The following ELF1 variants were observed in gnomAD, a reference collection of about 807,000 sequenced individuals.
ELF1 encodes the protein E74 like ETS transcription factor 1.
A neutral mutation model predicts 59.9 loss-of-function variants in ELF1; 24 were observed. The observed-to-expected ratio is 0.40, with a 90% CI of 0.29 to 0.56. ELF1 has a LOEUF of 0.56. Ranked by LOEUF, ELF1 falls within the 20% of genes least tolerant of loss-of-function variation. The pLI is 0.44. For synonymous variants in ELF1, 248 were observed against 266.2 expected (o/e 0.93, Z 0.67); for missense variants, 627 against 742.2 (o/e 0.84, Z 1.80).
chr13:41,006,174 T>C (rs1028547471), intron 1 of ELF1, among the ~76,000 whole-genome samples: 1 of 139,518 alleles, frequency 7.2e-6, no homozygotes, highest in African/African-American at 2.5e-5. Context: ...GATTTCATTT[T>C]TACCCAGTAT....
At chr13:41,037,129 A>T (rs1876414332) in intron 1 of ELF1, among the ~76,000 whole-genome samples, 1 of 151,796 alleles carries the variant, frequency 6.6e-6, no homozygotes, top group Admixed American at 6.6e-5. Flanking sequence ...ATTAAAAAAA[A>T]CCTTAAAAGT....
At chr13:40,985,143 C>T (rs1257829867) in intron 1 of ELF1, among the ~76,000 whole-genome samples, 1 of 152,202 alleles carries the variant, frequency 6.6e-6, no homozygotes, top group East Asian at 1.9e-4. Flanking sequence ...ATTTTACTGG[C>T]TCAATCATGT....
chr13:40,989,432 TGA>T (rs1209110566), intron 1 of ELF1, among the ~76,000 whole-genome samples: 3 of 152,240 alleles, frequency 2.0e-5, no homozygotes, highest in Admixed American at 6.5e-5. Context: ...TTAAGAAAGT[TGA>T]GAGAAAGTTT....
At chr13:41,043,132 C>G (rs1303408386) in intron 1 of ELF1, among the ~76,000 whole-genome samples, 1 of 152,134 alleles carries the variant, frequency 6.6e-6, no homozygotes, top group Non-Finnish European at 1.5e-5. Context: ...ATATCCTTCG[C>G]CCACTTTTTG....
intron 1 of ELF1, among the ~76,000 whole-genome samples, chr13:41,037,904 T>C (rs921307095): frequency 6.6e-6 from 1 of 152,112 alleles, no homozygotes; most frequent in Non-Finnish European, 1.5e-5. Context: ...CTACACAGAC[T>C]AAGAATTCAA....
intron 2 of ELF1, among the ~76,000 whole-genome samples, chr13:40,970,980 T>G (rs1872514534): frequency 6.6e-6 from 1 of 152,146 alleles, no homozygotes; most frequent in Non-Finnish European, 1.5e-5. Context: ...CTTTATCCAC[T>G]CAATCCCCAC....
At chr13:40,965,934 A>G (rs1053747979) in intron 2 of ELF1, among the ~76,000 whole-genome samples, 2 of 152,206 alleles carry the variant, frequency 1.3e-5, no homozygotes, top group African/African-American at 2.4e-5. Flanking sequence ...CCTAATATTA[A>G]AGCTCCCCAG....
intron 6 of ELF1, 100 bp from the exon 7 acceptor site, chr13:40,943,244 C>A: frequency 9.8e-7 from 1 of 1,020,200 alleles, no homozygotes; most frequent in Non-Finnish European, 1.3e-6. Context: ...TATATTTATA[C>A]AAAAATATTA....
At chr13:40,944,236 G>A (rs879315781) in intron 5 of ELF1, among the ~76,000 whole-genome samples, 1 of 152,180 alleles carries the variant, frequency 6.6e-6, no homozygotes, top group Admixed American at 6.5e-5. Context: ...TACTGGTAGT[G>A]CTTTCTTAAA....
At chr13:41,017,712 T>C (rs1267838627) in intron 1 of ELF1, among the ~76,000 whole-genome samples, 2 of 152,102 alleles carry the variant, frequency 1.3e-5, no homozygotes, top group Non-Finnish European at 2.9e-5. Flanking sequence ...CCTCTACTTC[T>C]CTTTAATAAA....
intron 1 of ELF1, among the ~76,000 whole-genome samples, chr13:41,008,958 C>CTT (rs199780763): frequency 1.3e-5 from 2 of 150,566 alleles, no homozygotes; most frequent in Non-Finnish European, 3.0e-5. Context: ...CTTTTTTGCA[C>CTT]TTTTTTTTTT....
At chr13:41,039,297 GAACA>G (rs540802699) in intron 1 of ELF1, among the ~76,000 whole-genome samples, 239 of 126,342 alleles carry the variant, frequency 1.9e-3, no homozygotes, top group Middle Eastern at 4.5e-3. Flanking sequence ...CTAAGGCTAG[GAACA>G]AACTAGGGAA....
intron 1 of ELF1, among the ~76,000 whole-genome samples, chr13:40,995,542 G>C (rs1874084896): frequency 6.6e-6 from 1 of 152,048 alleles, no homozygotes; most frequent in African/African-American, 2.4e-5. Flanking sequence ...GAACAGAATA[G>C]AGAGCACGGT....
Position 41,059,054 on chromosome 13 carries a change from T to G in ELF1, c.-229+1784A>C, listed in dbSNP as rs1205642548. On this transcript the variant is annotated intron_variant, in intron 1 of 1. Coordinates refer to the ELF1 transcript ENST00000405737. ...CAGAGTTATCCGAGTTATCTTTCCTTCTTTCCAAATTTTCAACTACTGTAA... is the reference window on the plus strand; with the variant it reads ...CAGAGTTATCCGAGTTATCTTTCCTGCTTTCCAAATTTTCAACTACTGTAA... Among the ~76,000 whole-genome samples the G allele has an allele frequency of 2.6e-5, 4 of 152,270 alleles. No homozygotes were observed. The East Asian group carries it at 7.7e-4, about 29-fold the overall frequency.
At chr13:41,032,888 A>G (rs1158223310) in intron 1 of ELF1, among the ~76,000 whole-genome samples, 1 of 151,748 alleles carries the variant, frequency 6.6e-6, no homozygotes, top group African/African-American at 2.4e-5. Flanking sequence ...AAAACTTAGT[A>G]CTATGGTTAC....
intron 1 of ELF1, among the ~76,000 whole-genome samples, chr13:40,997,886 C>G (rs1874206934): frequency 6.6e-6 from 1 of 152,090 alleles, no homozygotes; most frequent in African/African-American, 2.4e-5. Flanking sequence ...CGCAGTGGCT[C>G]ATGCACATAA....
chr13:41,040,158 T>C (rs2138419073), intron 1 of ELF1, among the ~76,000 whole-genome samples: 1 of 152,354 alleles, frequency 6.6e-6, no homozygotes, highest in Admixed American at 6.5e-5. Flanking sequence ...CCTTGGGATT[T>C]ATTCTAACAA....
chr13:40,962,042 A>G (rs1268903872), intron 2 of ELF1, among the ~76,000 whole-genome samples: 1 of 152,218 alleles, frequency 6.6e-6, no homozygotes, highest in East Asian at 1.9e-4. Context: ...GGTTAACCAC[A>G]GATACTTGTT....
intron 2 of ELF1, among the ~76,000 whole-genome samples, chr13:40,967,581 G>A (rs757465607): frequency 1.3e-5 from 2 of 152,080 alleles, no homozygotes; most frequent in Non-Finnish European, 2.9e-5. Context: ...AATCTCACAT[G>A]GACAGGCATG....
Sources: allele counts gnomAD v4.1 joint callset (sites outside exome capture counted in the v4.1 genomes callset), GRCh38; gene constraint gnomAD v4.1.1; transcripts MANE v1.5; gene names NCBI Gene and HGNC (gene_info 2026-07-23, HGNC 2026-07-21).